The following REC114 variants were observed in gnomAD, a reference collection of about 807,000 sequenced individuals.
The protein encoded by REC114 is REC114 meiotic recombination protein.
In REC114, 27 loss-of-function variants were observed where a neutral mutation model predicts 31.3. The ratio of observed to expected loss-of-function variants is 0.86; its 90% CI spans 0.64 to 1.19. The LOEUF is 1.19. Among genes scored for constraint, REC114 ranks in the 50% most tolerant of loss-of-function variants. The pLI, the probability that REC114 is intolerant of heterozygous loss-of-function variation, is 0.00. For missense variants in REC114, 344 were observed against 326.9 expected, an observed-to-expected ratio of 1.05 and a Z score of -0.40; for synonymous variants, 134 against 127.7, an observed-to-expected ratio of 1.05 and a Z score of -0.33.
intron 1 of REC114, among the ~76,000 whole-genome samples, chr15:73,451,774 G>C (rs574131214): frequency 1.3e-5 from 2 of 152,234 alleles, no homozygotes; most frequent in South Asian, 4.2e-4. Context: ...ACATCAAAAA[G>C]CTTATCCACC....
chr15:73,462,387 G>A (rs886514167), intron 1 of REC114, among the ~76,000 whole-genome samples: 1 of 151,848 alleles, frequency 6.6e-6, no homozygotes, highest in Non-Finnish European at 1.5e-5. Context: ...GGAATGTCTC[G>A]GTAGAATTAG....
intron 2 of REC114, among the ~76,000 whole-genome samples, chr15:73,538,524 T>C (rs145896572): frequency 0.049 from 7,431 of 150,148 alleles, 198 homozygotes; most frequent in South Asian, 0.093. Context: ...TGGCGCTATC[T>C]TGGCTCACTG....
chr15:73,443,650 G>A (rs1892728262), intron 1 of REC114, among the ~76,000 whole-genome samples: 1 of 152,186 alleles, frequency 6.6e-6, no homozygotes, highest in African/African-American at 2.4e-5. Flanking sequence ...GCTAGGGATG[G>A]AGCAGTGAGC....
chr15:73,489,943 G>T (rs1893422343), intron 2 of REC114, among the ~76,000 whole-genome samples: 1 of 152,152 alleles, frequency 6.6e-6, no homozygotes. Context: ...AGAGTTCCTT[G>T]CTTAATTGTA....
intron 2 of REC114, among the ~76,000 whole-genome samples, chr15:73,501,492 T>C (rs147945666): frequency 0.011 from 1,649 of 152,308 alleles, 35 homozygotes; most frequent in African/African-American, 0.038. Flanking sequence ...TCTCCCAGGC[T>C]GGAGTGCAGT....
chr15:73,526,535 C>T (rs1338258638), intron 2 of REC114, among the ~76,000 whole-genome samples: 1 of 152,170 alleles, frequency 6.6e-6, no homozygotes, highest in Non-Finnish European at 1.5e-5. Context: ...TTATCACAGT[C>T]TGTCTTCAAA....
intron 1 of REC114, among the ~76,000 whole-genome samples, chr15:73,445,810 A>G (rs1035380270): frequency 6.6e-6 from 1 of 152,220 alleles, no homozygotes; most frequent in African/African-American, 2.4e-5. Context: ...TACAATAGTA[A>G]CATCAGAGAT....
chr15:73,449,647 A>G (rs755458741), intron 1 of REC114, among the ~76,000 whole-genome samples: 12 of 152,186 alleles, frequency 7.9e-5, no homozygotes, highest in Non-Finnish European at 1.5e-4. Context: ...TACAGAGAAC[A>G]CCAGAAAGAT....
chr15:73,527,828 G>C (rs946264867), intron 2 of REC114, among the ~76,000 whole-genome samples: 4 of 152,230 alleles, frequency 2.6e-5, no homozygotes, highest in Admixed American at 2.0e-4. Flanking sequence ...AAATATGAGT[G>C]GATGGAGCTA....
intron 3 of REC114, among the ~76,000 whole-genome samples, chr15:73,543,862 G>C (rs1894273535): frequency 6.6e-6 from 1 of 150,600 alleles, no homozygotes; most frequent in Non-Finnish European, 1.5e-5. Context: ...TAATCATAGG[G>C]TTATAGTATC....
chr15:73,468,026 G>C (rs1435365229), intron 1 of REC114, among the ~76,000 whole-genome samples: 1 of 152,002 alleles, frequency 6.6e-6, no homozygotes, highest in Non-Finnish European at 1.5e-5. Context: ...TCTCTTGTAA[G>C]GATGCTTCTG....
chr15:73,513,675 C>T (rs1230118510), intron 2 of REC114, among the ~76,000 whole-genome samples: 5 of 152,110 alleles, frequency 3.3e-5, no homozygotes, highest in Admixed American at 6.5e-5. Flanking sequence ...ACAGGACCCT[C>T]AGCTGCAGGT....
At chr15:73,542,792 T>C (rs1022357744) in intron 3 of REC114, among the ~76,000 whole-genome samples, 2 of 152,180 alleles carry the variant, frequency 1.3e-5, no homozygotes, top group Non-Finnish European at 2.9e-5. Flanking sequence ...AGATAGTCTC[T>C]GAAAGAAAAC....
At chr15:73,447,384 G>C (rs551491028) in intron 1 of REC114, among the ~76,000 whole-genome samples, 101 of 152,210 alleles carry the variant, frequency 6.6e-4, no homozygotes, top group Non-Finnish European at 1.1e-3. Flanking sequence ...TTTGTAAGTT[G>C]GGTAGAGGGG....
chr15:73,470,024 A>C (rs1672891078), intron 1 of REC114, among the ~76,000 whole-genome samples: 1 of 151,916 alleles, frequency 6.6e-6, no homozygotes, highest in African/African-American at 2.4e-5. Context: ...TTTATATTTA[A>C]AGTGCATTTC....
chr15:73,473,984 A>G, intron 2 of REC114, 63 bp downstream of exon 2: 4 of 1,081,506 alleles, frequency 3.7e-6, no homozygotes, highest in Admixed American at 4.4e-5. Flanking sequence ...CTTTACATGA[A>G]TTTTTGTATC....
intron 2 of REC114, among the ~76,000 whole-genome samples, chr15:73,525,979 C>A (rs184865173): frequency 6.6e-6 from 1 of 152,192 alleles, no homozygotes; most frequent in Admixed American, 6.5e-5. Flanking sequence ...TCAGTTGTGT[C>A]AGTTTTTGCT....
At chr15:73,517,289 G>A (rs189276329) in intron 2 of REC114, among the ~76,000 whole-genome samples, 7 of 152,050 alleles carry the variant, frequency 4.6e-5, no homozygotes, top group Non-Finnish European at 7.4e-5. Context: ...AGTCAGTTAC[G>A]TTTTTACATA....
At chr15:73,471,365 GAATT>G (rs1329801345) in intron 1 of REC114, among the ~76,000 whole-genome samples, 1 of 151,586 alleles carries the variant, frequency 6.6e-6, no homozygotes, top group Non-Finnish European at 1.5e-5. Context: ...TGGAAGGAAA[GAATT>G]AATTTCTTAA....
Sources: allele counts gnomAD v4.1 joint callset (sites outside exome capture counted in the v4.1 genomes callset), GRCh38; gene constraint gnomAD v4.1.1; transcripts MANE v1.5; gene names NCBI Gene and HGNC (gene_info 2026-07-23, HGNC 2026-07-21).